ARB2A: variants seen among roughly 807,000 people sequenced by gnomAD.
The protein encoded by ARB2A is ARB2 cotranscriptional regulator A.
chr5:94,104,159 C>A, the ARB2A span, among the ~76,000 whole-genome samples: 4 of 150,028 alleles, frequency 2.7e-5, no homozygotes, highest in South Asian at 8.4e-4. Flanking sequence ...AAAATCAGAG[C>A]TGACTGAACA....
chr5:94,106,832 T>C, the ARB2A span, among the ~76,000 whole-genome samples: 2 of 125,248 alleles, frequency 1.6e-5, no homozygotes, highest in Non-Finnish European at 3.2e-5. Context: ...TACAGCAACA[T>C]GGATGGAGCT....
At chr5:93,640,641 TATATAC>T in the ARB2A span, among the ~76,000 whole-genome samples, 4 of 151,046 alleles carry the variant, frequency 2.6e-5, no homozygotes, top group South Asian at 2.1e-4. Flanking sequence ...TGTGTATATA[TATATAC>T]ATATACATAT....
the ARB2A span, chr5:93,824,184 A>C: frequency 6.3e-7 from 1 of 1,597,022 alleles, no homozygotes; most frequent in Non-Finnish European, 8.5e-7. Context: ...AGCTGTGAGC[A>C]ACGAAAAACA....
the ARB2A span, among the ~76,000 whole-genome samples, chr5:93,723,208 C>G: frequency 2.6e-4 from 39 of 152,080 alleles, no homozygotes; most frequent in African/African-American, 8.9e-4. Flanking sequence ...ACAAATCTCA[C>G]CAGCTAAGGC....
chr5:93,841,122 T>C, the ARB2A span, among the ~76,000 whole-genome samples: 63 of 152,278 alleles, frequency 4.1e-4, no homozygotes, highest in African/African-American at 1.4e-3. Context: ...TAATATACAA[T>C]GCAAGCATAA....
At chr5:93,860,649 C>CTTTTTTTTTTTTT in the ARB2A span, 3 of 136,436 alleles carry the variant, frequency 2.2e-5, 1 homozygote, top group Non-Finnish European at 4.8e-5. Context: ...TTGTTTCTTT[C>CTTTTTTTTTTTTT]TTTTTTTTTT....
At chr5:93,916,454 C>T in the ARB2A span, among the ~76,000 whole-genome samples, 4 of 152,120 alleles carry the variant, frequency 2.6e-5, no homozygotes, top group Non-Finnish European at 5.9e-5. Flanking sequence ...TATCTATGCT[C>T]TACCAAGTTT....
the ARB2A span, among the ~76,000 whole-genome samples, chr5:94,003,009 A>G: frequency 2.0e-5 from 3 of 152,190 alleles, no homozygotes; most frequent in African/African-American, 7.2e-5. Flanking sequence ...CTTTACAATC[A>G]ATAGTGCTAA....
chr5:93,618,834 A>G, the ARB2A span: 1 of 152,358 alleles, frequency 6.6e-6, no homozygotes, highest in East Asian at 1.9e-4. Context: ...TATTCTAGCT[A>G]TAAGTAAAGG....
At chr5:93,795,136 G>T in the ARB2A span, among the ~76,000 whole-genome samples, 8 of 152,182 alleles carry the variant, frequency 5.3e-5, no homozygotes, top group East Asian at 1.6e-3. Context: ...CAGCTGCTAT[G>T]GGGGGTGGGG....
At chr5:93,812,709 G>T in the ARB2A span, among the ~76,000 whole-genome samples, 1 of 152,140 alleles carries the variant, frequency 6.6e-6, no homozygotes, top group African/African-American at 2.4e-5. Flanking sequence ...ACAAATATTA[G>T]AAGTTTAATA....
At chr5:94,020,552 A>G in the ARB2A span, among the ~76,000 whole-genome samples, 1 of 152,232 alleles carries the variant, frequency 6.6e-6, no homozygotes. Context: ...GATGCTACCA[A>G]ACAGGCTACT....
the ARB2A span, among the ~76,000 whole-genome samples, chr5:94,094,566 G>T: frequency 6.6e-6 from 1 of 152,192 alleles, no homozygotes; most frequent in Non-Finnish European, 1.5e-5. Flanking sequence ...TATTATAATA[G>T]TCTTGATATT....
the ARB2A span, among the ~76,000 whole-genome samples, chr5:93,901,339 A>G: frequency 6.6e-6 from 1 of 152,216 alleles, no homozygotes; most frequent in East Asian, 1.9e-4. Context: ...TCTTCAGGGA[A>G]ACCTGAGAAT....
chr5:93,885,676 C>A, the ARB2A span, among the ~76,000 whole-genome samples: 1 of 151,530 alleles, frequency 6.6e-6, no homozygotes, highest in Admixed American at 6.6e-5. Context: ...AGCTTTATAT[C>A]TTTAATTCAT....
At chr5:93,956,974 G>A in the ARB2A span, among the ~76,000 whole-genome samples, 1 of 152,076 alleles carries the variant, frequency 6.6e-6, no homozygotes, top group Non-Finnish European at 1.5e-5. Flanking sequence ...TACGTGTGCT[G>A]CATGCTTAGA....
the ARB2A span, chr5:93,740,474 G>T: frequency 8.6e-6 from 11 of 1,279,352 alleles, no homozygotes; most frequent in Non-Finnish European, 1.2e-5. Context: ...CAGTGAATGA[G>T]AAATTAATAC....
the ARB2A span, among the ~76,000 whole-genome samples, chr5:93,673,381 C>CT: frequency 1.4e-4 from 20 of 147,928 alleles, no homozygotes; most frequent in East Asian, 3.9e-4. Context: ...TCTCTCTTCT[C>CT]TTTTTTTTTT....
chr5:94,053,664 TTAAAA>T, the ARB2A span, among the ~76,000 whole-genome samples: 9 of 152,228 alleles, frequency 5.9e-5, no homozygotes, highest in South Asian at 2.1e-4. Context: ...GGGAAAACTG[TTAAAA>T]TAAAACACGC....
Sources: gnomAD v4.1 joint callset for allele counts (sites outside exome capture counted in the v4.1 genomes callset) on GRCh38, gnomAD v4.1.1 for gene constraint, MANE v1.5 for transcripts, NCBI Gene and HGNC (gene_info 2026-07-23, HGNC 2026-07-21) for gene names.